The following STXBP5L variants were observed in gnomAD, a reference collection of about 807,000 sequenced individuals.
The protein encoded by STXBP5L is syntaxin binding protein 5L, also known as syntaxin-binding protein 5-like.
STXBP5L carries 65 observed loss-of-function variants against 144.5 expected under a neutral mutation model. The ratio of observed to expected loss-of-function variants is 0.45; its 90% CI spans 0.37 to 0.55. The LOEUF is 0.55. Ranked by LOEUF, STXBP5L falls within the 20% of genes least tolerant of loss-of-function variation. The probability of loss-of-function intolerance (pLI) is 0.00; values close to 1 mark genes in which losing one functional copy is unlikely to be tolerated. For synonymous variants in STXBP5L, 505 were observed against 469.6 expected (o/e 1.08, Z -0.97); for missense variants, 1,298 against 1,405.5 (o/e 0.92, Z 1.22).
chr3:120,954,272 A>G (rs1937776668), intron 2 of STXBP5L, among the ~76,000 whole-genome samples: 1 of 152,148 alleles, frequency 6.6e-6, no homozygotes, highest in Non-Finnish European at 1.5e-5. Context: ...TTATTGTACC[A>G]TTTTATGAGT....
At chr3:121,280,922 T>G (rs1173452100) in intron 19 of STXBP5L, among the ~76,000 whole-genome samples, 1 of 150,680 alleles carries the variant, frequency 6.6e-6, no homozygotes, top group Non-Finnish European at 1.5e-5. Context: ...ATAATAATAA[T>G]AATAATAACT....
intron 9 of STXBP5L, chr3:121,159,043 C>A (rs1179838981): frequency 6.6e-6 from 1 of 151,914 alleles, no homozygotes; most frequent in African/African-American, 2.4e-5. Context: ...ATAACATAAG[C>A]ACCAGTGATT....
intron 5 of STXBP5L, among the ~76,000 whole-genome samples, chr3:121,045,870 A>G (rs971344404): frequency 1.3e-5 from 2 of 151,908 alleles, no homozygotes; most frequent in African/African-American, 4.8e-5. Flanking sequence ...TTTCTCTTGC[A>G]TGATTGCTCT....
At chr3:121,186,996 G>T (rs1340750176) in intron 9 of STXBP5L, among the ~76,000 whole-genome samples, 1 of 152,176 alleles carries the variant, frequency 6.6e-6, no homozygotes, top group East Asian at 1.9e-4. Context: ...CATTGTGGAA[G>T]TCAGTGTGGT....
chr3:121,419,020 T>A, intron 26 of STXBP5L, 36 bp from the exon 27 acceptor site: 2 of 1,603,116 alleles, frequency 1.2e-6, no homozygotes, highest in Non-Finnish European at 1.7e-6. Flanking sequence ...TTTTAAAGTA[T>A]TTTAGCGTCT....
chr3:121,414,132 T>C (rs535701288), intron 24 of STXBP5L, among the ~76,000 whole-genome samples: 80 of 134,876 alleles, frequency 5.9e-4, no homozygotes, highest in Non-Finnish European at 8.3e-4. Context: ...ATCATCACCA[T>C]TGTCATTCTA....
chr3:121,303,592 A>G (rs371855058), intron 19 of STXBP5L, among the ~76,000 whole-genome samples: 1 of 152,190 alleles, frequency 6.6e-6, no homozygotes, highest in South Asian at 2.1e-4. Flanking sequence ...TGTTTACTGC[A>G]GCACTATTCA....
rs2047349592 is a variant in STXBP5L, at chr3:121,421,346, C to T, written c.*2249C>T. 6.6e-6 allele frequency: 1 copy of T among 150,404 alleles called. No homozygotes were observed. Among genetic ancestry groups the T allele is most frequent in the South Asian group, 2.1e-4 (1 of 4,830 alleles). The allele number at this position is 150,404 out of a possible 1,614,324, so 9.3% of individuals were successfully genotyped here. A position where few individuals can be genotyped will look rare whatever the true frequency, so the allele number is the denominator to read the frequency against. On this transcript the variant is annotated 3_prime_UTR_variant, in exon 27 of 27. Transcript: ENST00000471454. ...TTTAACTTGATCTACATCGAGATTT[C>T]TCAAAAGCAGCACTATTAGCTGAAA...
intron 8 of STXBP5L, among the ~76,000 whole-genome samples, chr3:121,155,441 G>A (rs1481511878): frequency 6.6e-6 from 1 of 151,826 alleles, no homozygotes; most frequent in East Asian, 1.9e-4. Flanking sequence ...AGCCATTGAT[G>A]AATGGATATT....
intron 22 of STXBP5L, among the ~76,000 whole-genome samples, chr3:121,401,844 T>C (rs1180848691): frequency 2.9e-5 from 4 of 139,430 alleles, no homozygotes; most frequent in Admixed American, 7.3e-5. Context: ...TGTATACATA[T>C]GTAACTAACC....
At chr3:121,405,523 G>A (rs772773345) in intron 22 of STXBP5L, among the ~76,000 whole-genome samples, 56 of 152,152 alleles carry the variant, frequency 3.7e-4, no homozygotes, top group African/African-American at 4.8e-4. Context: ...GGTTGTAGTC[G>A]GCAAGGCTGG....
At chr3:120,945,897 G>A (rs890666831) in intron 2 of STXBP5L, among the ~76,000 whole-genome samples, 1 of 151,780 alleles carries the variant, frequency 6.6e-6, no homozygotes, top group Admixed American at 6.6e-5. Flanking sequence ...AGACATGCAA[G>A]CATGAACCCT....
At chr3:121,107,372 C>T (rs1701909337) in intron 5 of STXBP5L, among the ~76,000 whole-genome samples, 1 of 150,736 alleles carries the variant, frequency 6.6e-6, no homozygotes. Context: ...GTCTTTAATC[C>T]ATCTTGAGTT....
intron 3 of STXBP5L, among the ~76,000 whole-genome samples, chr3:121,011,626 A>G (rs1464129611): frequency 6.6e-6 from 1 of 151,786 alleles, no homozygotes; most frequent in African/African-American, 2.4e-5. Context: ...TCTGCCATCC[A>G]AAATGAACAG....
intron 5 of STXBP5L, among the ~76,000 whole-genome samples, chr3:121,053,494 G>C (rs1044464138): frequency 1.3e-5 from 2 of 152,148 alleles, no homozygotes; most frequent in African/African-American, 4.8e-5. Context: ...AATGGGGAAA[G>C]GATTCCCTAT....
chr3:121,408,462 C>A (rs985961147), intron 23 of STXBP5L, among the ~76,000 whole-genome samples: 6 of 151,868 alleles, frequency 4.0e-5, no homozygotes, highest in Admixed American at 3.9e-4. Context: ...GATAGATACA[C>A]AGACATTATA....
In STXBP5L at chr3:120,935,436, T is replaced by TA. The variant is rs1332861072; in HGVS notation, c.190-19503dup. ...AGAATTTAATTTAAAAAGTTTTTTT[T>TA]ACCCTTATTTATTATTTCCCTAACA... is the stretch of plus-strand genomic sequence containing the variant. On this transcript the variant is annotated intron_variant, in intron 2 of 26. Transcript: ENST00000471454. Among the ~76,000 whole-genome samples, 18 of 150,192 alleles carry TA rather than the reference T, an allele frequency of 1.2e-4. No homozygotes were observed. The East Asian group carries it at 3.3e-3, about 28-fold the overall frequency.
In STXBP5L at chr3:121,419,235, A is replaced by C; in HGVS notation, c.*138A>C. 1.1e-6 allele frequency: 1 copy of C among 879,918 alleles called. No individual in the cohort carries two copies. Among genetic ancestry groups the C allele is most frequent in the Non-Finnish European group, 1.7e-6 (1 of 590,578 alleles). 54.5% of individuals were successfully genotyped at this position (879,918 alleles called of 1,614,324 possible). ...TACAGTCAATCTGAAATTTTCATAA[A>C]AGAGATGTATCAGAGACACTGTGCA... is the stretch of plus-strand genomic sequence containing the variant. On this transcript the variant is annotated 3_prime_UTR_variant, in exon 27 of 27. Coordinates refer to ENST00000471454, the MANE Select transcript of STXBP5L (RefSeq NM_001308330.2).
intron 2 of STXBP5L, among the ~76,000 whole-genome samples, chr3:120,928,002 G>T (rs531465089): frequency 6.6e-6 from 1 of 152,200 alleles, no homozygotes; most frequent in Admixed American, 6.5e-5. Context: ...AGAGAATAGG[G>T]TGCTAAGAGC....
Sources: allele counts gnomAD v4.1 joint callset (sites outside exome capture counted in the v4.1 genomes callset), GRCh38; gene constraint gnomAD v4.1.1; transcripts MANE v1.5; gene names NCBI Gene and HGNC (gene_info 2026-07-23, HGNC 2026-07-21).